GRM7: variants seen among roughly 807,000 people sequenced by gnomAD.
GRM7 encodes the protein glutamate metabotropic receptor 7.
Under a neutral mutation model 84.5 loss-of-function variants are expected in GRM7, and 35 were observed. The observed-to-expected ratio is 0.41, with a 90% CI of 0.32 to 0.55. The LOEUF (loss-of-function observed/expected upper bound fraction) is 0.55. Among genes scored for constraint, GRM7 ranks in the 20% least tolerant of loss-of-function variants. GRM7 has a pLI of 0.19. For missense variants in GRM7, 1,003 were observed against 1,194.6 expected, an observed-to-expected ratio of 0.84 and a Z score of 2.36; for synonymous variants, 487 against 455.1, an observed-to-expected ratio of 1.07 and a Z score of -0.89.
At chr3:7,295,542 A>G (rs1699783430) in intron 2 of GRM7, among the ~76,000 whole-genome samples, 1 of 152,184 alleles carries the variant, frequency 6.6e-6, no homozygotes, top group African/African-American at 2.4e-5. Context: ...ATGTTTACTG[A>G]GAGTTTGCTC....
rs1697216015 is a variant in GRM7 at position 7,056,261 on chromosome 3, T to A, written c.520-90191T>A. On this transcript the variant is annotated intron_variant, in intron 1 of 9. Coordinates refer to ENST00000357716, the MANE Select transcript of GRM7 (RefSeq NM_000844.4). ...GGAAAAGAGGACTTAGAGTTCTCAA[T>A]GGCAGAGCTTCTACAGGCATCGTGG... 2.0e-5 allele frequency among the ~76,000 whole-genome samples: 3 copies of A among 152,004 alleles called. No individual in the cohort carries two copies. In the South Asian group the frequency reaches 6.2e-4, roughly 31 times the overall value.
chr3:7,211,280 A>G (rs1290735333), intron 2 of GRM7, among the ~76,000 whole-genome samples: 2 of 152,224 alleles, frequency 1.3e-5, no homozygotes, highest in African/African-American at 4.8e-5. Context: ...TGCATCCAAA[A>G]TACCTGAGCT....
intron 1 of GRM7, among the ~76,000 whole-genome samples, chr3:7,110,139 G>C (rs1692794125): frequency 6.6e-6 from 1 of 151,916 alleles, no homozygotes; most frequent in Non-Finnish European, 1.5e-5. Context: ...TACCTACTAT[G>C]GAAAATCATT....
At chr3:7,713,025 T>A (rs538088685) in intron 9 of GRM7, among the ~76,000 whole-genome samples, 47 of 151,668 alleles carry the variant, frequency 3.1e-4, no homozygotes, top group Admixed American at 1.4e-3. Context: ...GGGCCCACCC[T>A]CATCCAGTAT....
intron 1 of GRM7, among the ~76,000 whole-genome samples, chr3:7,006,824 T>A (rs1466802499): frequency 6.6e-6 from 1 of 152,240 alleles, no homozygotes; most frequent in Non-Finnish European, 1.5e-5. Context: ...TAAATAAATC[T>A]TGCTGAGCAC....
intron 1 of GRM7, among the ~76,000 whole-genome samples, chr3:7,121,080 A>G (rs533471169): frequency 3.3e-5 from 5 of 152,226 alleles, no homozygotes; most frequent in African/African-American, 9.6e-5. Context: ...CTTGACATAT[A>G]TAGATTTCAA....
chr3:6,964,199 T>C (rs1386114178), intron 1 of GRM7, among the ~76,000 whole-genome samples: 1 of 152,194 alleles, frequency 6.6e-6, no homozygotes. Context: ...GACAAAGTAC[T>C]ATGGACTGGG....
chr3:6,871,566 T>A (rs753506442), intron 1 of GRM7, among the ~76,000 whole-genome samples: 2 of 151,784 alleles, frequency 1.3e-5, no homozygotes, highest in African/African-American at 2.4e-5. Flanking sequence ...TAGGTTGTCA[T>A]CTCCGTTTAG....
At chr3:7,259,277 A>T (rs1698320236) in intron 2 of GRM7, among the ~76,000 whole-genome samples, 1 of 152,184 alleles carries the variant, frequency 6.6e-6, no homozygotes, top group Non-Finnish European at 1.5e-5. Flanking sequence ...GTATTTATTT[A>T]TTTTAAAAAT....
chr3:7,155,722 T>A (rs945366869), intron 2 of GRM7, among the ~76,000 whole-genome samples: 2 of 152,104 alleles, frequency 1.3e-5, no homozygotes, highest in African/African-American at 4.8e-5. Context: ...CTCAAGAGAT[T>A]ATAGAAAATT....
In GRM7 at chr3:6,928,490, A is replaced by C. The variant is rs1038723037; in HGVS notation, c.519+66583A>C. Among the ~76,000 whole-genome samples, 1 of 152,200 alleles carries C rather than the reference A, an allele frequency of 6.6e-6. No individual in the cohort carries two copies. The highest frequency in any genetic ancestry group is 2.4e-5 in the African/African-American group (1 of 41,462). On this transcript the variant is annotated intron_variant, in intron 1 of 9. Transcript: ENST00000357716. This position sits in a 1 kb window ranked among gnomAD's most constrained non-coding sequence, Gnocchi z 4.5. ...ATTATGCAAATGATAAATATTATTT[A>C]TTATTAAGTATAATTAATAGTTGCC...
chr3:7,351,352 A>AC (rs1455464465), intron 4 of GRM7, among the ~76,000 whole-genome samples: 2 of 150,500 alleles, frequency 1.3e-5, no homozygotes, highest in African/African-American at 2.5e-5. Flanking sequence ...AAAAAAAAAA[A>AC]AAAAAAAAAA....
chr3:7,445,260 A>T (rs1051131347), intron 5 of GRM7, among the ~76,000 whole-genome samples: 4 of 152,240 alleles, frequency 2.6e-5, no homozygotes, highest in African/African-American at 9.6e-5. Flanking sequence ...AAAGAATTAA[A>T]GGAGGACAAG....
intron 2 of GRM7, among the ~76,000 whole-genome samples, chr3:7,205,729 G>A (rs1194181902): frequency 6.6e-6 from 1 of 152,168 alleles, no homozygotes; most frequent in Non-Finnish European, 1.5e-5. Context: ...ACACCCAGAC[G>A]TGAATGCAGA....
At chr3:7,270,396 T>C (rs570488230) in intron 2 of GRM7, among the ~76,000 whole-genome samples, 1 of 152,384 alleles carries the variant, frequency 6.6e-6, no homozygotes, top group South Asian at 2.1e-4. Context: ...GTATATGGTA[T>C]TGATGATGGG....
chr3:7,011,898 C>A (rs1695381754), intron 1 of GRM7, among the ~76,000 whole-genome samples: 3 of 152,090 alleles, frequency 2.0e-5, no homozygotes, highest in African/African-American at 7.2e-5. Context: ...AGCAAATCAG[C>A]CATTTGGGTT....
chr3:7,110,115 G>A (rs1490727834), intron 1 of GRM7, among the ~76,000 whole-genome samples: 2 of 152,060 alleles, frequency 1.3e-5, no homozygotes, highest in Non-Finnish European at 2.9e-5. Context: ...AACTGAAGAT[G>A]TAAAACTTCA....
At chr3:7,721,855 G>GCTTT (rs1270332695) in intron 9 of GRM7, among the ~76,000 whole-genome samples, 1 of 152,132 alleles carries the variant, frequency 6.6e-6, no homozygotes, top group Non-Finnish European at 1.5e-5. Flanking sequence ...GCAATTCCCT[G>GCTTT]CTTTCCCCTT....
Position 7,402,561 on chromosome 3 carries a change from A to G in GRM7, c.1034-12462A>G, listed in dbSNP as rs140323010. ...TGATGTCTTAATATGCCAGAAAGAC[A>G]TGGAGAAATAACATACATCAAAATA... On this transcript the variant is annotated intron_variant, in intron 4 of 9. Coordinates refer to ENST00000357716, the MANE Select transcript of GRM7 (RefSeq NM_000844.4). Among the ~76,000 whole-genome samples, 29 of 152,298 alleles carry G rather than the reference A, an allele frequency of 1.9e-4. No individual in the cohort carries two copies. In the East Asian group the frequency reaches 5.4e-3, roughly 28 times the overall value.
Sources: allele counts gnomAD v4.1 joint callset (sites outside exome capture counted in the v4.1 genomes callset), GRCh38; gene constraint gnomAD v4.1.1; non-coding constraint Gnocchi (gnomAD v3.1); transcripts MANE v1.5; gene names NCBI Gene and HGNC (gene_info 2026-07-23, HGNC 2026-07-21).